The following ACOXL variants were observed in gnomAD, a reference collection of about 807,000 sequenced individuals.
ACOXL encodes acyl-CoA oxidase like, also known as acyl-coenzyme A oxidase-like protein.
Under a neutral mutation model 71.9 loss-of-function variants are expected in ACOXL, and 70 were observed. The ratio of observed to expected loss-of-function variants is 0.97; its 90% CI spans 0.80 to 1.19. ACOXL has a LOEUF of 1.19. ACOXL is among the 50% of genes most tolerant of loss of function. ACOXL has a pLI of 0.00. For missense variants in ACOXL, 703 were observed against 736.3 expected, an observed-to-expected ratio of 0.95 and a Z score of 0.52; for synonymous variants, 253 against 281.6, an observed-to-expected ratio of 0.90 and a Z score of 1.02.
chr2:110,999,010 T>G (rs1338269863), intron 14 of ACOXL, among the ~76,000 whole-genome samples: 1 of 152,228 alleles, frequency 6.6e-6, no homozygotes, highest in East Asian at 1.9e-4. Flanking sequence ...CAGCAAGATA[T>G]TTTCAGATAT....
intron 15 of ACOXL, among the ~76,000 whole-genome samples, chr2:111,042,008 G>C (rs1336931630): frequency 2.0e-5 from 3 of 152,218 alleles, no homozygotes; most frequent in African/African-American, 7.2e-5. Context: ...CCTGAGCCCA[G>C]AACACGGCAG....
intron 10 of ACOXL, among the ~76,000 whole-genome samples, chr2:110,854,986 C>G (rs1693060868): frequency 6.6e-6 from 1 of 152,180 alleles, no homozygotes; most frequent in South Asian, 2.1e-4. Context: ...TTGACCTACC[C>G]CATGGGACTT....
chr2:110,821,861 T>C (rs1391274833), intron 9 of ACOXL, among the ~76,000 whole-genome samples: 4 of 152,234 alleles, frequency 2.6e-5, no homozygotes, highest in African/African-American at 4.8e-5. Context: ...CTTTTGTTGC[T>C]CAAATTGTTT....
At chr2:110,996,784 A>G (rs2063415386) in intron 14 of ACOXL, among the ~76,000 whole-genome samples, 2 of 152,132 alleles carry the variant, frequency 1.3e-5, no homozygotes, top group African/African-American at 4.8e-5. Context: ...ACAACACAGC[A>G]GGGGTAGAAG....
chr2:110,935,583 G>A (rs994525023), intron 12 of ACOXL, among the ~76,000 whole-genome samples: 10 of 152,206 alleles, frequency 6.6e-5, no homozygotes, highest in African/African-American at 2.4e-4. Flanking sequence ...AGAAGACGCA[G>A]TCCATGCTGG....
chr2:111,049,543 G>A (rs1333014751), intron 16 of ACOXL, among the ~76,000 whole-genome samples: 1 of 152,180 alleles, frequency 6.6e-6, no homozygotes, highest in Non-Finnish European at 1.5e-5. Context: ...AGAGGGCTCA[G>A]TTGGTTCTAT....
chr2:110,836,762 G>A (rs1445170353), intron 9 of ACOXL, among the ~76,000 whole-genome samples: 1 of 152,210 alleles, frequency 6.6e-6, no homozygotes, highest in Non-Finnish European at 1.5e-5. Flanking sequence ...TAAAGAAAAA[G>A]CTTCCCACAA....
chr2:111,078,774 G>C (rs550833812), intron 16 of ACOXL, among the ~76,000 whole-genome samples: 1 of 152,226 alleles, frequency 6.6e-6, no homozygotes, highest in Admixed American at 6.5e-5. Flanking sequence ...AAAAATATTG[G>C]ATTATTTCCT....
At chr2:110,938,896 CTG>C (rs1159213905) in intron 12 of ACOXL, among the ~76,000 whole-genome samples, 1 of 151,704 alleles carries the variant, frequency 6.6e-6, no homozygotes, top group Non-Finnish European at 1.5e-5. Context: ...AGAAAGAACA[CTG>C]TATTGCCTAC....
chr2:111,062,672 G>A (rs2066877358), intron 16 of ACOXL, among the ~76,000 whole-genome samples: 1 of 152,076 alleles, frequency 6.6e-6, no homozygotes, highest in African/African-American at 2.4e-5. Flanking sequence ...AGCCAAAACA[G>A]TGCTGAGAGG....
At chr2:111,114,356 C>T (rs1358822294) in intron 17 of ACOXL, 1 of 152,260 alleles carries the variant, frequency 6.6e-6, no homozygotes, top group Non-Finnish European at 1.5e-5. Context: ...TTCAAAGCTT[C>T]TTAAGGCCTA....
intron 10 of ACOXL, among the ~76,000 whole-genome samples, chr2:110,889,168 A>T (rs902229523): frequency 1.1e-4 from 16 of 152,216 alleles, no homozygotes; most frequent in Non-Finnish European, 2.4e-4. Flanking sequence ...AGAACCTACT[A>T]GCACTCTGTG....
At chr2:110,751,712 T>C (rs1300037817) in intron 1 of ACOXL, among the ~76,000 whole-genome samples, 1 of 152,216 alleles carries the variant, frequency 6.6e-6, no homozygotes, top group Non-Finnish European at 1.5e-5. Flanking sequence ...AAAGTTCTCT[T>C]ATACCCTTGC....
chr2:110,858,993 CTCA>C (rs1693613110), intron 10 of ACOXL, among the ~76,000 whole-genome samples: 1 of 152,230 alleles, frequency 6.6e-6, no homozygotes, highest in African/African-American at 2.4e-5. Flanking sequence ...AAATTCGCCA[CTCA>C]TCTACATGCG....
At chr2:110,771,843 C>A (rs1027751798) in intron 2 of ACOXL, among the ~76,000 whole-genome samples, 1 of 152,218 alleles carries the variant, frequency 6.6e-6, no homozygotes, top group African/African-American at 2.4e-5. Flanking sequence ...CACCAACTGC[C>A]TCTATTTCCA....
At chr2:110,790,631 C>G (rs1310231497) in intron 3 of ACOXL, among the ~76,000 whole-genome samples, 1 of 152,204 alleles carries the variant, frequency 6.6e-6, no homozygotes, top group African/African-American at 2.4e-5. Flanking sequence ...CAGTCTCTCT[C>G]AGAGCAAATG....
At chr2:110,756,870 C>T (rs1260578669) in intron 1 of ACOXL, among the ~76,000 whole-genome samples, 2 of 152,072 alleles carry the variant, frequency 1.3e-5, no homozygotes, top group South Asian at 2.1e-4. Flanking sequence ...AAAAATTTTA[C>T]GGGAGATTTG....
chr2:111,050,962 T>A (rs2066262860), intron 16 of ACOXL, among the ~76,000 whole-genome samples: 1 of 152,012 alleles, frequency 6.6e-6, no homozygotes, highest in Admixed American at 6.6e-5. Context: ...CAGATTGGGG[T>A]TGGGAGAGGA....
chr2:110,933,474 T>C lies in ACOXL; in HGVS notation c.906-15T>C, dbSNP rs755255831. 3.7e-6 allele frequency: 6 copies of C among 1,610,782 alleles called. No individual in the cohort carries two copies. Among genetic ancestry groups the C allele is most frequent in the Non-Finnish European group, 5.1e-6 (6 of 1,177,872 alleles). ...CACCGCCACTTCCATCACACATGTC[T>C]GCTTTGTCCTGCAGGTATGCTGGGG... On this transcript the variant is annotated splice_polypyrimidine_tract_variant and intron_variant, in intron 11 of 17. Coordinates refer to ENST00000439055, the MANE Select transcript of ACOXL (RefSeq NM_001142807.4).
Sources: allele counts gnomAD v4.1 joint callset (sites outside exome capture counted in the v4.1 genomes callset), GRCh38; gene constraint gnomAD v4.1.1; transcripts MANE v1.5; gene names NCBI Gene and HGNC (gene_info 2026-07-23, HGNC 2026-07-21).